The following MGAT4C variants were observed in gnomAD, a reference collection of about 807,000 sequenced individuals.
MGAT4C encodes MGAT4 family member C.
In MGAT4C, 19 loss-of-function variants were observed where a neutral mutation model predicts 40.1. The ratio of observed to expected loss-of-function variants is 0.47; its 90% CI spans 0.33 to 0.70. The LOEUF (loss-of-function observed/expected upper bound fraction) is 0.70. Among genes scored for constraint, MGAT4C ranks in the 30% least tolerant of loss-of-function variants. The probability of loss-of-function intolerance (pLI) is 0.02; values close to 1 mark genes in which losing one functional copy is unlikely to be tolerated. For missense variants in MGAT4C, 491 were observed against 563.2 expected, an observed-to-expected ratio of 0.87 and a Z score of 1.30; for synonymous variants, 181 against 187.1, an observed-to-expected ratio of 0.97 and a Z score of 0.27.
At chr12:86,722,090 G>A (rs376939951) in intron 2 of MGAT4C, among the ~76,000 whole-genome samples, 31 of 152,150 alleles carry the variant, frequency 2.0e-4, no homozygotes, top group African/African-American at 7.5e-4. Context: ...ATGGCTGGGT[G>A]AGCACTTCAG....
intron 2 of MGAT4C, among the ~76,000 whole-genome samples, chr12:86,454,024 A>T (rs1957469325): frequency 6.6e-6 from 1 of 152,166 alleles, no homozygotes; most frequent in African/African-American, 2.4e-5. Context: ...CATTACTTAC[A>T]TGACTTATAT....
chr12:86,501,210 A>AT (rs1021853404), intron 2 of MGAT4C, among the ~76,000 whole-genome samples: 3 of 152,138 alleles, frequency 2.0e-5, no homozygotes, highest in Admixed American at 6.6e-5. Context: ...TATGGGAAAA[A>AT]ATATATTAAA....
chr12:86,315,289 A>C (rs1210786837), intron 4 of MGAT4C, among the ~76,000 whole-genome samples: 2 of 152,186 alleles, frequency 1.3e-5, no homozygotes. Flanking sequence ...AATAAATGGT[A>C]CTTGGATAGC....
intron 3 of MGAT4C, among the ~76,000 whole-genome samples, chr12:86,425,405 C>A (rs953584649): frequency 2.0e-5 from 3 of 152,086 alleles, no homozygotes; most frequent in Non-Finnish European, 4.4e-5. Context: ...CGCTCTTGCT[C>A]TCTTGCTCTG....
intron 2 of MGAT4C, among the ~76,000 whole-genome samples, chr12:86,466,531 T>C (rs569884925): frequency 5.1e-4 from 77 of 151,806 alleles, no homozygotes; most frequent in Non-Finnish European, 9.9e-4. Context: ...ATTGCCAGAG[T>C]GTTGTGTGGG....
chr12:86,813,044 T>C (rs1389300115), intron 1 of MGAT4C, among the ~76,000 whole-genome samples: 4 of 152,106 alleles, frequency 2.6e-5, no homozygotes, highest in Admixed American at 1.3e-4. Flanking sequence ...TGTGGGTATA[T>C]GCAAGACATA....
At chr12:86,732,426 G>A (rs1231183592) in intron 1 of MGAT4C, among the ~76,000 whole-genome samples, 1 of 152,030 alleles carries the variant, frequency 6.6e-6, no homozygotes, top group Non-Finnish European at 1.5e-5. Context: ...AAATAATTAT[G>A]TAACTCACCA....
At chr12:86,515,213 C>T (rs1958661828) in intron 2 of MGAT4C, among the ~76,000 whole-genome samples, 1 of 152,136 alleles carries the variant, frequency 6.6e-6, no homozygotes, top group Non-Finnish European at 1.5e-5. Context: ...TGAAAACTTT[C>T]CTCTTAAGAT....
intron 4 of MGAT4C, among the ~76,000 whole-genome samples, chr12:86,285,926 A>G (rs1953342741): frequency 6.6e-6 from 1 of 152,082 alleles, no homozygotes; most frequent in Non-Finnish European, 1.5e-5. Flanking sequence ...AGAACTCCAC[A>G]TTTATAAAAT....
intron 1 of MGAT4C, among the ~76,000 whole-genome samples, chr12:86,132,676 C>A (rs1881372634): frequency 6.6e-6 from 1 of 151,846 alleles, no homozygotes; most frequent in Non-Finnish European, 1.5e-5. Context: ...CCTGTAGTCC[C>A]AGCTACTCGG....
chr12:86,094,953 T>C (rs1873625760), intron 1 of MGAT4C, among the ~76,000 whole-genome samples: 1 of 152,142 alleles, frequency 6.6e-6, no homozygotes, highest in South Asian at 2.1e-4. Context: ...TGTCACAGCA[T>C]TCACTCAGCA....
intron 2 of MGAT4C, among the ~76,000 whole-genome samples, chr12:86,003,510 G>A (rs975986408): frequency 6.6e-6 from 1 of 152,078 alleles, no homozygotes; most frequent in African/African-American, 2.4e-5. Flanking sequence ...AACTTCTTTG[G>A]TTTTTGCTTT....
At chr12:86,629,140 G>A (rs1025138531) in intron 2 of MGAT4C, among the ~76,000 whole-genome samples, 15 of 151,784 alleles carry the variant, frequency 9.9e-5, no homozygotes, top group African/African-American at 3.6e-4. Flanking sequence ...AAAAAACAAA[G>A]GTCAAAAGAG....
At chr12:86,718,166 T>C (rs1950678255) in intron 2 of MGAT4C, among the ~76,000 whole-genome samples, 2 of 152,174 alleles carry the variant, frequency 1.3e-5, no homozygotes, top group African/African-American at 4.8e-5. Context: ...CTAACACCAT[T>C]GTTGAGAAAC....
At chr12:86,503,821 G>T (rs1958420150) in intron 2 of MGAT4C, among the ~76,000 whole-genome samples, 8 of 43,902 alleles carry the variant, frequency 1.8e-4, no homozygotes, top group East Asian at 6.6e-4. Context: ...TATGAGTTCT[G>T]CTCAATTTTC....
intron 1 of MGAT4C, among the ~76,000 whole-genome samples, chr12:86,250,406 A>T (rs1357319708): frequency 6.6e-6 from 1 of 151,840 alleles, no homozygotes; most frequent in Non-Finnish European, 1.5e-5. Flanking sequence ...GCCTCTAATG[A>T]CTATGTTAAG....
intron 2 of MGAT4C, among the ~76,000 whole-genome samples, chr12:86,463,514 C>A (rs1470880412): frequency 2.6e-5 from 4 of 152,122 alleles, no homozygotes. Flanking sequence ...TTCCTAATAT[C>A]TTTTCGTGTC....
At position 86,251,390 on chromosome 12, in the gene MGAT4C, C is replaced by T. The variant is rs549318831; in HGVS notation, c.-57+4849G>A. Reference sequence around the variant, plus strand: ...TAAAGTTTTTGGTTTTAATTAGACACACCTGGTCCCAGACTACCTGAATAC... The same window carrying T: ...TAAAGTTTTTGGTTTTAATTAGACATACCTGGTCCCAGACTACCTGAATAC... On this transcript the variant is annotated intron_variant, in intron 1 of 4. Coordinates refer to ENST00000611864, the MANE Select transcript of MGAT4C (RefSeq NM_001351288.2). Among the ~76,000 whole-genome samples, 49 of 152,098 alleles carry T rather than the reference C, an allele frequency of 3.2e-4. 1 individual carries two copies. In the South Asian group the frequency reaches 0.01, roughly 32 times the overall value.
intron 2 of MGAT4C, among the ~76,000 whole-genome samples, chr12:86,690,248 G>T (rs1950151244): frequency 6.6e-6 from 1 of 152,170 alleles, no homozygotes; most frequent in Admixed American, 6.5e-5. Context: ...TAGCTTGCTT[G>T]GTTCAATGGA....
Sources: gnomAD v4.1 joint callset for allele counts (sites outside exome capture counted in the v4.1 genomes callset) on GRCh38, gnomAD v4.1.1 for gene constraint, MANE v1.5 for transcripts, NCBI Gene and HGNC (gene_info 2026-07-23, HGNC 2026-07-21) for gene names.